DUSP4: variants seen among roughly 807,000 people sequenced by gnomAD.
The protein encoded by DUSP4 is dual specificity protein phosphatase 4.
In DUSP4, 12 loss-of-function variants were observed where a neutral mutation model predicts 27.2. The observed-to-expected ratio is 0.44, with a 90% CI of 0.28 to 0.71. The LOEUF (loss-of-function observed/expected upper bound fraction) is 0.71, where lower values mean the gene tolerates loss of function less well. DUSP4 is among the 30% of genes least tolerant of loss of function. The pLI, the probability that DUSP4 is intolerant of heterozygous loss-of-function variation, is 0.14. For missense variants in DUSP4, 448 were observed against 551.3 expected (o/e 0.81, Z 1.88); for synonymous variants, 257 against 245.2 (o/e 1.05, Z -0.45).
At chr8:29,346,629 A>T (rs1817738202) in intron 1 of DUSP4, among the ~76,000 whole-genome samples, 2 of 152,354 alleles carry the variant, frequency 1.3e-5, no homozygotes, top group South Asian at 4.1e-4. Context: ...GTTTTAAAAA[A>T]ATTACCCCAC....
chr8:29,347,904 A>C (rs2117276949), intron 1 of DUSP4: 1 of 985,500 alleles, frequency 1.0e-6, no homozygotes, highest in East Asian at 1.1e-4. Context: ...AACGGGATTC[A>C]CGAGGGACAG....
At chr8:29,344,827 G>C (rs1280480692) in intron 1 of DUSP4, among the ~76,000 whole-genome samples, 1 of 151,494 alleles carries the variant, frequency 6.6e-6, no homozygotes, top group Non-Finnish European at 1.5e-5. Context: ...CTATGGTCAT[G>C]GATCTTTTTT....
intron 2 of DUSP4, 142 bp from the exon 3 acceptor site, chr8:29,338,643 C>T (rs532854916): frequency 3.4e-6 from 3 of 885,664 alleles, no homozygotes; most frequent in Admixed American, 2.4e-5. Flanking sequence ...CAGCCTCCCC[C>T]TGTAGCCTCC....
At chr8:29,348,218 C>A (rs940779680) in intron 1 of DUSP4, 6 of 985,530 alleles carry the variant, frequency 6.1e-6, no homozygotes, top group Non-Finnish European at 4.8e-6. Context: ...CAGCGCCGTG[C>A]GGGGAACATC....
intron 1 of DUSP4, chr8:29,347,743 T>G: frequency 3.0e-6 from 3 of 985,364 alleles, no homozygotes; most frequent in Non-Finnish European, 3.6e-6. Context: ...AGTACTTCTC[T>G]TATGTTGGCC....
chr8:29,337,511 G>T lies in DUSP4; in HGVS notation c.800-100C>A. 1 of 1,472,942 alleles carries T rather than the reference G, an allele frequency of 6.8e-7. No homozygotes were observed. The highest frequency in any genetic ancestry group is 9.0e-7 in the Non-Finnish European group (1 of 1,111,074). 91.2% of individuals were successfully genotyped at this position (1,472,942 alleles called of 1,614,324 possible). A position where few individuals can be genotyped will look rare whatever the true frequency, so the allele number is the denominator to read the frequency against. On this transcript the variant is annotated intron_variant, in intron 3 of 3. Transcript: ENST00000240100. The surrounding 1 kb of genome is among the most constrained non-coding windows in gnomAD (Gnocchi z 6.4). ...TGGGGTCGGGGGGCTCTGAAGGAAGGACTAGCCGTGCTAGACCAAGGACTG... is the reference window on the plus strand; with the variant it reads ...TGGGGTCGGGGGGCTCTGAAGGAAGTACTAGCCGTGCTAGACCAAGGACTG...
At chr8:29,341,288 C>T (rs7836494) in intron 1 of DUSP4, among the ~76,000 whole-genome samples, 10,018 of 152,278 alleles carry the variant, frequency 0.066, 1,064 homozygotes, top group African/African-American at 0.22. Context: ...TCCTGGATGT[C>T]GCTACCTTTG....
In DUSP4 at chr8:29,333,425, A is replaced by C. The variant is rs1411675346; in HGVS notation, c.*3601T>G. 2.0e-5 allele frequency: 3 copies of C among 152,366 alleles called. No individual in the cohort carries two copies. Among genetic ancestry groups the C allele is most frequent in the Non-Finnish European group, 2.9e-5 (2 of 68,032 alleles). 9.4% of individuals were successfully genotyped at this position (152,366 alleles called of 1,614,324 possible). A position where few individuals can be genotyped will look rare whatever the true frequency, so the allele number is the denominator to read the frequency against. On this transcript the variant is annotated 3_prime_UTR_variant, in exon 4 of 4. Coordinates refer to ENST00000240100, the MANE Select transcript of DUSP4 (RefSeq NM_001394.7). ...ACATCAATATCCAAACACCGTATTGAGTCCCTTAACAAGGCTCCACAGATC... is the reference window on the plus strand; with the variant it reads ...ACATCAATATCCAAACACCGTATTGCGTCCCTTAACAAGGCTCCACAGATC...
At chr8:29,348,580 G>A (rs538575453) in intron 1 of DUSP4, 18 of 985,586 alleles carry the variant, frequency 1.8e-5, no homozygotes, top group African/African-American at 1.0e-4. Context: ...CAACTGCGGG[G>A]AACAAAGCCC....
rs1400776212 is a variant in DUSP4 at position 29,337,601 on chromosome 8, G to C, written c.800-190C>G. Among the ~76,000 whole-genome samples, 1 of 152,164 alleles carries C rather than the reference G, an allele frequency of 6.6e-6. No homozygotes were observed. Among genetic ancestry groups the C allele is most frequent in the Non-Finnish European group, 1.5e-5 (1 of 68,028 alleles). On this transcript the variant is annotated intron_variant, in intron 3 of 3. Transcript: ENST00000240100. The surrounding 1 kb of genome is among the most constrained non-coding windows in gnomAD (Gnocchi z 6.4). ...CCCCAATTCTGAGGTCTATTTTCCCGAATCACTATGCTGAAGCTGGTTAAA... is the reference window on the plus strand; with the variant it reads ...CCCCAATTCTGAGGTCTATTTTCCCCAATCACTATGCTGAAGCTGGTTAAA...
intron 1 of DUSP4, chr8:29,345,596 T>C: frequency 4.7e-6 from 7 of 1,501,212 alleles, no homozygotes; most frequent in Non-Finnish European, 6.2e-6. Context: ...GTTTCAGATG[T>C]TCTGATTTTT....
chr8:29,340,887 T>C (rs1817647652), intron 1 of DUSP4, among the ~76,000 whole-genome samples: 1 of 152,132 alleles, frequency 6.6e-6, no homozygotes, highest in Non-Finnish European at 1.5e-5. Flanking sequence ...AGCCCTGGAA[T>C]GGTTATCTGT....
intron 1 of DUSP4, chr8:29,345,433 TG>T: frequency 2.5e-6 from 4 of 1,614,100 alleles, no homozygotes; most frequent in Non-Finnish European, 3.4e-6. Flanking sequence ...AACGCCATGC[TG>T]GGGGCTCGAA....
At chr8:29,340,659 G>T (rs192326907) in intron 1 of DUSP4, among the ~76,000 whole-genome samples, 2 of 152,134 alleles carry the variant, frequency 1.3e-5, no homozygotes, top group African/African-American at 4.8e-5. Flanking sequence ...CTTCCTCAGG[G>T]GAGGTTCTCC....
intron 1 of DUSP4, among the ~76,000 whole-genome samples, chr8:29,343,292 G>T (rs1048071783): frequency 6.6e-6 from 1 of 152,012 alleles, no homozygotes; most frequent in African/African-American, 2.4e-5. Context: ...GGTTTCACAA[G>T]ATGCCACACT....
At chr8:29,345,877 C>G in intron 1 of DUSP4, 2 of 1,031,310 alleles carry the variant, frequency 1.9e-6, no homozygotes, top group Non-Finnish European at 2.3e-6. Flanking sequence ...TAAGACCTAG[C>G]AACTTATGCT....
chr8:29,342,893 C>A (rs944753013), intron 1 of DUSP4, among the ~76,000 whole-genome samples: 1 of 152,164 alleles, frequency 6.6e-6, no homozygotes. Flanking sequence ...GTGAGCTGGG[C>A]GCGGTGGCTC....
intron 1 of DUSP4, among the ~76,000 whole-genome samples, chr8:29,346,598 A>G (rs1817737767): frequency 6.6e-6 from 1 of 152,260 alleles, no homozygotes; most frequent in Admixed American, 6.5e-5. Context: ...AAAATGCCTT[A>G]CAAGATTTTA....
At position 29,337,492 on chromosome 8, in the gene DUSP4, C is replaced by CG. The variant is rs1817597054; in HGVS notation, c.800-82dup. The CG allele has an allele frequency of 6.6e-7, 1 of 1,505,430 alleles. No individual in the cohort carries two copies. The highest frequency in any genetic ancestry group is 8.8e-7 in the Non-Finnish European group (1 of 1,134,854). 93.3% of individuals were successfully genotyped at this position (1,505,430 alleles called of 1,614,324 possible). On this transcript the variant is annotated intron_variant, in intron 3 of 3. Coordinates refer to ENST00000240100, the MANE Select transcript of DUSP4 (RefSeq NM_001394.7). This position sits in a 1 kb window ranked among gnomAD's most constrained non-coding sequence, Gnocchi z 6.4. Reference sequence around the variant, plus strand: ...AGGGGCACCGGCCAGCCCCTGGGGTCGGGGGGCTCTGAAGGAAGGACTAGC... The same window carrying CG: ...AGGGGCACCGGCCAGCCCCTGGGGTCGGGGGGGCTCTGAAGGAAGGACTAGC...
Sources: gnomAD v4.1 joint callset for allele counts (sites outside exome capture counted in the v4.1 genomes callset) on GRCh38, gnomAD v4.1.1 for gene constraint, Gnocchi (gnomAD v3.1) non-coding constraint, MANE v1.5 for transcripts, NCBI Gene and HGNC (gene_info 2026-07-23, HGNC 2026-07-21) for gene names.